The following HIVEP1 variants were observed in gnomAD, a reference collection of about 807,000 sequenced individuals.
HIVEP1 encodes the protein HIVEP zinc finger 1.
In HIVEP1, 36 loss-of-function variants were observed where a neutral mutation model predicts 180.0. The ratio of observed to expected loss-of-function variants is 0.20; its 90% confidence interval spans 0.15 to 0.26. The LOEUF (loss-of-function observed/expected upper bound fraction) is 0.26, where lower values mean the gene tolerates loss of function less well. Among genes scored for constraint, HIVEP1 ranks in the 10% least tolerant of loss-of-function variants. HIVEP1 has a pLI of 1.00. For missense variants in HIVEP1, 3,143 were observed against 3,268.7 expected (o/e 0.96, Z 0.94); for synonymous variants, 1,239 against 1,239.0 (o/e 1.00, Z 0.00).
At chr6:12,016,079 A>T (rs1299200720) in intron 2 of HIVEP1, among the ~76,000 whole-genome samples, 3 of 152,128 alleles carry the variant, frequency 2.0e-5, no homozygotes, top group Non-Finnish European at 4.4e-5. Context: ...GTACCACTCC[A>T]TCAGTTAGAT....
chr6:12,017,796 T>C (rs924697565), intron 2 of HIVEP1, among the ~76,000 whole-genome samples: 4 of 152,208 alleles, frequency 2.6e-5, no homozygotes, highest in Non-Finnish European at 4.4e-5. Context: ...CTGATTGGTG[T>C]ATTCACAATC....
At chr6:12,111,306 GT>G (rs1168415598) in intron 3 of HIVEP1, among the ~76,000 whole-genome samples, 1 of 152,232 alleles carries the variant, frequency 6.6e-6, no homozygotes, top group East Asian at 1.9e-4. Flanking sequence ...AAAAAGCACA[GT>G]ATCTGCGAAG....
Position 12,123,393 on chromosome 6 carries a change from G to A in HIVEP1, c.3598G>A (p.Asp1200Asn). The change falls in exon 4 of 9, where the codon GAC (aspartate) becomes AAC (asparagine). Residue 1200 changes from aspartate (D) to asparagine (N), a missense_variant. By Grantham distance (23) the Asp-to-Asn change is conservative. Around this residue, in one of 12 missense-constraint regions of HIVEP1, gnomAD observed 1,357 missense variants for 1,260.5 expected, o/e 1.08. Coordinates refer to ENST00000379388, the MANE Select transcript of HIVEP1 (RefSeq NM_002114.4). ...TCATCCTCACCAGCTTGCACTATCA[G>A]ACGCTCTCAGAGGAGAACTTCAGGA... Reference protein sequence around the residue: ...GSHPHQLALSDALRGELQESS... With the variant: ...GSHPHQLALSNALRGELQESS... The A allele has an allele frequency of 6.2e-7, 1 of 1,614,194 alleles. No individual in the cohort carries two copies. Among genetic ancestry groups the A allele is most frequent in the East Asian group, 2.2e-5 (1 of 44,878 alleles).
intron 3 of HIVEP1, among the ~76,000 whole-genome samples, chr6:12,113,107 C>T (rs945471361): frequency 3.3e-5 from 5 of 151,646 alleles, no homozygotes; most frequent in Middle Eastern, 3.2e-3. Flanking sequence ...GCACCTGGTG[C>T]GGGCCCATGT....
chr6:12,057,850 A>G (rs886938782), intron 2 of HIVEP1, among the ~76,000 whole-genome samples: 2 of 152,228 alleles, frequency 1.3e-5, no homozygotes, highest in Non-Finnish European at 2.9e-5. Context: ...GTAATACAGT[A>G]ACTGTAAAAT....
the HIVEP1 span, among the ~76,000 whole-genome samples, chr6:12,205,498 A>T: frequency 1.3e-5 from 2 of 151,942 alleles, no homozygotes; most frequent in African/African-American, 2.4e-5. Flanking sequence ...GAACAAAGCT[A>T]CGTGGGGCAT....
chr6:12,211,501 C>A, the HIVEP1 span, among the ~76,000 whole-genome samples: 1 of 32,872 alleles, frequency 3.0e-5, no homozygotes, highest in Non-Finnish European at 5.6e-5. Flanking sequence ...ACACACACAC[C>A]CACACAACAT....
intron 2 of HIVEP1, among the ~76,000 whole-genome samples, chr6:12,083,398 G>T (rs1009255652): frequency 6.6e-6 from 1 of 152,074 alleles, no homozygotes; most frequent in African/African-American, 2.4e-5. Context: ...GAGTAATATC[G>T]CAATAGCAGT....
intron 3 of HIVEP1, among the ~76,000 whole-genome samples, chr6:12,113,488 G>C (rs1775032770): frequency 6.7e-6 from 1 of 148,394 alleles, no homozygotes. Context: ...AGGTTGGAGA[G>C]TTGTGAGTCA....
At chr6:12,145,459 T>A (rs1435475582) in intron 7 of HIVEP1, among the ~76,000 whole-genome samples, 1 of 150,790 alleles carries the variant, frequency 6.6e-6, no homozygotes, top group Non-Finnish European at 1.5e-5. Flanking sequence ...ATGGCACATG[T>A]ATACCCTATG....
intron 7 of HIVEP1, among the ~76,000 whole-genome samples, chr6:12,144,589 C>T (rs995946154): frequency 6.6e-6 from 1 of 152,072 alleles, no homozygotes; most frequent in African/African-American, 2.4e-5. Context: ...AACAGGCAAC[C>T]TATGGAATGG....
intron 2 of HIVEP1, among the ~76,000 whole-genome samples, chr6:12,035,407 A>C (rs542131944): frequency 1.1e-3 from 172 of 152,336 alleles, no homozygotes; most frequent in African/African-American, 4.0e-3. Flanking sequence ...TTTTAATGAA[A>C]TAAGAATAGT....
chr6:12,155,897 G>A (rs1376562237), intron 7 of HIVEP1, among the ~76,000 whole-genome samples: 1 of 152,176 alleles, frequency 6.6e-6, no homozygotes, highest in Middle Eastern at 3.4e-3. Context: ...CTTTTTCTCT[G>A]CAACCTCTCC....
At chr6:12,179,640 C>A in the HIVEP1 span, among the ~76,000 whole-genome samples, 2 of 152,176 alleles carry the variant, frequency 1.3e-5, 1 homozygote, top group South Asian at 4.1e-4. Context: ...TGCTCTCCTG[C>A]TTTTACCATT....
intron 3 of HIVEP1, among the ~76,000 whole-genome samples, chr6:12,115,350 CTTTTTTTTTTTTTTTTT>C (rs34074662): frequency 3.9e-4 from 29 of 75,300 alleles, no homozygotes; most frequent in Admixed American, 5.8e-4. Flanking sequence ...CCCAACTATT[CTTTTTTTTTTTTTTTTT>C]TTTTTTTTTT....
At chr6:12,058,428 A>T (rs1206011649) in intron 2 of HIVEP1, among the ~76,000 whole-genome samples, 1 of 152,090 alleles carries the variant, frequency 6.6e-6, no homozygotes, top group African/African-American at 2.4e-5. Context: ...TTTGAAGTTG[A>T]CTCTTAAAAT....
chr6:12,032,265 C>T, intron 2 of HIVEP1, among the ~76,000 whole-genome samples: 1 of 151,694 alleles, frequency 6.6e-6, no homozygotes, highest in East Asian at 1.9e-4. Flanking sequence ...CTCAGCCTCC[C>T]AAGTAGCTGC....
At chr6:12,015,849 T>G (rs1312324212) in intron 2 of HIVEP1, among the ~76,000 whole-genome samples, 181 bp downstream of exon 2, 1 of 152,218 alleles carries the variant, frequency 6.6e-6, no homozygotes, top group African/African-American at 2.4e-5. Context: ...TTAATAAATA[T>G]CTGTTGAATG....
At chr6:12,090,672 G>T (rs896426933) in intron 3 of HIVEP1, among the ~76,000 whole-genome samples, 1 of 150,398 alleles carries the variant, frequency 6.6e-6, no homozygotes, top group Non-Finnish European at 1.5e-5. Flanking sequence ...AACGCATGAG[G>T]CATTTGAGAC....
Sources: gnomAD v4.1 joint callset for allele counts (sites outside exome capture counted in the v4.1 genomes callset) on GRCh38, gnomAD v4.1.1 for gene constraint, gnomAD v4.1.1 regional missense constraint, MANE v1.5 for transcripts, NCBI Gene and HGNC (gene_info 2026-07-23, HGNC 2026-07-21) for gene names.